Variants in TMEM108 observed in about 807,000 individuals in gnomAD.
The protein encoded by TMEM108 is transmembrane protein 108.
A neutral mutation model predicts 35.1 loss-of-function variants in TMEM108; 12 were observed. That is an observed-to-expected ratio of 0.34 (90% confidence interval 0.22 to 0.55). The LOEUF (loss-of-function observed/expected upper bound fraction) is 0.55, where lower values mean the gene tolerates loss of function less well. Among genes scored for constraint, TMEM108 ranks in the 20% least tolerant of loss-of-function variants. The pLI, the probability that TMEM108 is intolerant of heterozygous loss-of-function variation, is 0.89. For synonymous variants in TMEM108, 287 were observed against 308.6 expected, an observed-to-expected ratio of 0.93 and a Z score of 0.73; for missense variants, 680 against 753.3, an observed-to-expected ratio of 0.90 and a Z score of 1.14.
intron 3 of TMEM108, among the ~76,000 whole-genome samples, chr3:133,272,368 G>A (rs1946785241): frequency 6.6e-6 from 1 of 150,932 alleles, no homozygotes; most frequent in Non-Finnish European, 1.5e-5. Context: ...GAACTTCCTT[G>A]ATGTACAGAA....
chr3:133,144,386 G>C (rs2107759601), intron 2 of TMEM108, among the ~76,000 whole-genome samples: 1 of 152,204 alleles, frequency 6.6e-6, no homozygotes, highest in South Asian at 2.1e-4. Context: ...GGGGCATTTG[G>C]GTTGGTTCCA....
chr3:133,083,223 A>T (rs1469961250), intron 2 of TMEM108, among the ~76,000 whole-genome samples: 1 of 116,096 alleles, frequency 8.6e-6, no homozygotes, highest in Non-Finnish European at 1.6e-5. Context: ...ACTGTTTCCC[A>T]TGTGATCCAT....
At chr3:133,244,769 T>C (rs1290389328) in intron 3 of TMEM108, among the ~76,000 whole-genome samples, 1 of 152,236 alleles carries the variant, frequency 6.6e-6, no homozygotes, top group Admixed American at 6.5e-5. Context: ...CTAGAAAATA[T>C]TGACTTTCAT....
intron 2 of TMEM108, among the ~76,000 whole-genome samples, chr3:133,131,882 G>GAT (rs1412791969): frequency 1.3e-5 from 2 of 152,042 alleles, no homozygotes; most frequent in East Asian, 1.9e-4. Context: ...TAGTGATTCA[G>GAT]ATATATATAG....
At chr3:133,387,863 C>G in intron 4 of TMEM108, 3 of 985,424 alleles carry the variant, frequency 3.0e-6, no homozygotes, top group Non-Finnish European at 3.6e-6. Flanking sequence ...TTGACTAGGC[C>G]TAAGATGGCA....
rs578126355 is a variant in TMEM108, at chr3:133,167,699, C to T, written c.-46-61567C>T. Among the ~76,000 whole-genome samples, 13 of 152,298 alleles carry T rather than the reference C, an allele frequency of 8.5e-5. No homozygotes were observed. The South Asian group carries it at 1.0e-3, about 12-fold the overall frequency. On this transcript the variant is annotated intron_variant, in intron 2 of 5. Coordinates refer to ENST00000321871, the MANE Select transcript of TMEM108 (RefSeq NM_023943.4). ...CGACCGCTCGGAGTGTGGGGCCCGCCGAGCCCACACCCACCCGGAACTTGC... is the reference window on the plus strand; with the variant it reads ...CGACCGCTCGGAGTGTGGGGCCCGCTGAGCCCACACCCACCCGGAACTTGC...
intron 2 of TMEM108, among the ~76,000 whole-genome samples, chr3:133,224,112 C>T (rs1946032494): frequency 2.0e-5 from 3 of 152,056 alleles, no homozygotes. Flanking sequence ...TATATTAAAC[C>T]ACAACTGTTT....
chr3:133,219,864 A>G (rs1945961974), intron 2 of TMEM108, among the ~76,000 whole-genome samples: 2 of 152,072 alleles, frequency 1.3e-5, no homozygotes, highest in Admixed American at 6.6e-5. Context: ...GTTTAAGTCA[A>G]TGTTTCTTTC....
intron 2 of TMEM108, among the ~76,000 whole-genome samples, chr3:133,144,164 T>G (rs1944681671): frequency 6.6e-6 from 1 of 151,968 alleles, no homozygotes; most frequent in African/African-American, 2.4e-5. Flanking sequence ...GATGTTCCCC[T>G]CCCTGTGTCC....
At chr3:133,276,527 T>C (rs1946841062) in intron 3 of TMEM108, among the ~76,000 whole-genome samples, 1 of 152,226 alleles carries the variant, frequency 6.6e-6, no homozygotes, top group Non-Finnish European at 1.5e-5. Context: ...TAATTGACTG[T>C]CTTAAAGCCC....
chr3:133,284,043 C>G (rs1433965771), intron 3 of TMEM108, among the ~76,000 whole-genome samples: 2 of 152,188 alleles, frequency 1.3e-5, no homozygotes, highest in Non-Finnish European at 2.9e-5. Flanking sequence ...AGGAAGTCTT[C>G]TTGACCACTG....
intron 3 of TMEM108, among the ~76,000 whole-genome samples, chr3:133,265,569 A>G (rs1946685772): frequency 6.6e-6 from 1 of 152,078 alleles, no homozygotes; most frequent in Non-Finnish European, 1.5e-5. Flanking sequence ...TTTCCATCTC[A>G]ACCTGCCATC....
intron 2 of TMEM108, among the ~76,000 whole-genome samples, chr3:133,077,803 T>A (rs1467816049): frequency 6.6e-6 from 1 of 152,094 alleles, no homozygotes; most frequent in Non-Finnish European, 1.5e-5. Context: ...GAGAAAGGAC[T>A]CTAATCTTTG....
intron 2 of TMEM108, among the ~76,000 whole-genome samples, chr3:133,098,758 C>T (rs964442570): frequency 6.6e-6 from 1 of 152,198 alleles, no homozygotes; most frequent in Non-Finnish European, 1.5e-5. Flanking sequence ...AAAACGATCT[C>T]CTTTGACTCC....
intron 3 of TMEM108, among the ~76,000 whole-genome samples, chr3:133,347,461 G>C: frequency 6.6e-6 from 1 of 151,872 alleles, no homozygotes; most frequent in East Asian, 1.9e-4. Flanking sequence ...TTCATTGATG[G>C]TATATAGAAA....
chr3:133,151,641 AAG>A (rs1944803009), intron 2 of TMEM108, among the ~76,000 whole-genome samples: 5 of 152,252 alleles, frequency 3.3e-5, no homozygotes, highest in Admixed American at 3.3e-4. Context: ...AATAGTAACA[AAG>A]AGCCTATTGT....
intron 3 of TMEM108, among the ~76,000 whole-genome samples, chr3:133,286,209 G>T (rs1946982798): frequency 1.3e-5 from 2 of 152,198 alleles, no homozygotes; most frequent in Admixed American, 6.5e-5. Context: ...TCAATGGGAT[G>T]ATGTAAAGTG....
intron 2 of TMEM108, among the ~76,000 whole-genome samples, chr3:133,115,862 G>A (rs1378743455): frequency 6.6e-6 from 1 of 152,174 alleles, no homozygotes; most frequent in Non-Finnish European, 1.5e-5. Context: ...TGACTGTAGA[G>A]TCACTGCCAT....
rs550405277 is a variant in TMEM108, at chr3:133,076,845, C to T, written c.-47+30825C>T. 1.9e-3 allele frequency among the ~76,000 whole-genome samples: 294 copies of T among 152,306 alleles called. 1 individual carries two copies. Among genetic ancestry groups the T allele is most frequent in the African/African-American group, 6.7e-3 (280 of 41,558 alleles). ...GGGTTGCGCCACCTTTACAGGTTAG[C>T]TGGAGTCAAGCTTAGGTCACATACG... On this transcript the variant is annotated intron_variant, in intron 2 of 5. Transcript: ENST00000321871.
Sources: gnomAD v4.1 joint callset for allele counts (sites outside exome capture counted in the v4.1 genomes callset) on GRCh38, gnomAD v4.1.1 for gene constraint, MANE v1.5 for transcripts, NCBI Gene and HGNC (gene_info 2026-07-23, HGNC 2026-07-21) for gene names.